Variants in ROBO2 observed in about 807,000 individuals in gnomAD.
ROBO2 encodes roundabout homolog 2.
A neutral mutation model predicts 160.8 loss-of-function variants in ROBO2; 53 were observed. The observed-to-expected ratio is 0.33, with a 90% CI of 0.26 to 0.41. The LOEUF (loss-of-function observed/expected upper bound fraction) is 0.41, where lower values mean the gene tolerates loss of function less well. Among genes scored for constraint, ROBO2 ranks in the 10% least tolerant of loss-of-function variants. The pLI is 1.00. For synonymous variants in ROBO2, 664 were observed against 611.7 expected (o/e 1.09, Z -1.26); for missense variants, 1,577 against 1,722.4 (o/e 0.92, Z 1.49).
chr3:76,143,239 C>T (rs2071754827), intron 2 of ROBO2, among the ~76,000 whole-genome samples: 1 of 151,918 alleles, frequency 6.6e-6, no homozygotes, highest in Non-Finnish European at 1.5e-5. Flanking sequence ...ATAGGTTGCC[C>T]AGGCTGGTCA....
intron 2 of ROBO2, among the ~76,000 whole-genome samples, chr3:76,624,832 A>G (rs956373658): frequency 1.8e-5 from 2 of 112,074 alleles, no homozygotes; most frequent in African/African-American, 6.2e-5. Flanking sequence ...AAAAAAAAAA[A>G]AAGAATATCC....
intron 2 of ROBO2, among the ~76,000 whole-genome samples, chr3:76,905,264 A>T (rs1049654143): frequency 7.9e-5 from 12 of 152,052 alleles, no homozygotes; most frequent in Admixed American, 2.0e-4. Flanking sequence ...CCTATTTGTC[A>T]GAAAGGGGAG....
chr3:76,573,015 G>T (rs2085049545), intron 2 of ROBO2, among the ~76,000 whole-genome samples: 2 of 152,036 alleles, frequency 1.3e-5, no homozygotes, highest in Non-Finnish European at 2.9e-5. Context: ...TAGGAATCCA[G>T]CAAACAAAAA....
At chr3:76,688,524 A>G (rs1349894796) in intron 2 of ROBO2, among the ~76,000 whole-genome samples, 1 of 151,844 alleles carries the variant, frequency 6.6e-6, no homozygotes. Context: ...ACATTAAAGT[A>G]TGAAATAACT....
chr3:77,521,649 T>C lies in ROBO2; in HGVS notation c.807-1126T>C, dbSNP rs114831928. Among the ~76,000 whole-genome samples, 1,321 of 151,368 alleles carry C rather than the reference T, an allele frequency of 8.7e-3. 19 individuals are homozygous for C. Among genetic ancestry groups the C allele is most frequent in the African/African-American group, 0.03 (1,260 of 41,462 alleles). On this transcript the variant is annotated intron_variant, in intron 5 of 25. Transcript: ENST00000461745. ...GAAGAGTAAGGGTAGTTAAGTTTAG[T>C]TGGCATGATTGGTAAATAGACAATG...
At chr3:76,263,214 C>T (rs1237766366) in intron 2 of ROBO2, among the ~76,000 whole-genome samples, 6 of 152,022 alleles carry the variant, frequency 3.9e-5, no homozygotes, top group African/African-American at 7.2e-5. Context: ...CAACAAGCAC[C>T]GTTGAATCAT....
intron 2 of ROBO2, among the ~76,000 whole-genome samples, chr3:76,789,202 G>A (rs909802974): frequency 6.6e-6 from 1 of 151,462 alleles, no homozygotes; most frequent in African/African-American, 2.4e-5. Context: ...TGTGCACTGA[G>A]CTTGCTAGTA....
At chr3:76,305,179 A>C (rs538740045) in intron 2 of ROBO2, among the ~76,000 whole-genome samples, 1 of 151,858 alleles carries the variant, frequency 6.6e-6, no homozygotes. Context: ...ACCTGAATCC[A>C]GGAGTTTAAT....
intron 2 of ROBO2, among the ~76,000 whole-genome samples, chr3:76,331,339 C>T (rs1239595838): frequency 6.6e-6 from 1 of 152,124 alleles, no homozygotes; most frequent in Non-Finnish European, 1.5e-5. Context: ...TTGCTTCCAG[C>T]AATTAGGAAT....
At chr3:76,005,094 A>G (rs937644771) in intron 2 of ROBO2, among the ~76,000 whole-genome samples, 1 of 152,220 alleles carries the variant, frequency 6.6e-6, no homozygotes, top group Non-Finnish European at 1.5e-5. Context: ...TCCTCACCAG[A>G]CGCTTGCCTT....
chr3:77,264,561 A>T (rs1338435331), intron 2 of ROBO2, among the ~76,000 whole-genome samples: 1 of 152,122 alleles, frequency 6.6e-6, no homozygotes, highest in Non-Finnish European at 1.5e-5. Context: ...TCTAAAAAAG[A>T]TCTATGTCTG....
At chr3:77,213,034 C>A (rs1167011899) in intron 2 of ROBO2, among the ~76,000 whole-genome samples, 1 of 151,974 alleles carries the variant, frequency 6.6e-6, no homozygotes, top group African/African-American at 2.4e-5. Context: ...GTCTAAAATT[C>A]TCTTTTTTTT....
intron 1 of ROBO2, among the ~76,000 whole-genome samples, chr3:75,929,940 C>G (rs1344793483): frequency 1.3e-5 from 2 of 152,188 alleles, no homozygotes; most frequent in African/African-American, 4.8e-5. Context: ...GGTGATCTGC[C>G]TGCCTCAGCC....
intron 2 of ROBO2, among the ~76,000 whole-genome samples, chr3:77,244,596 A>G (rs1406442707): frequency 6.6e-6 from 1 of 152,124 alleles, no homozygotes; most frequent in Non-Finnish European, 1.5e-5. Flanking sequence ...ATCCCAACTT[A>G]AGGCCAGGCG....
At chr3:77,640,193 G>A (rs2095329450) in intron 24 of ROBO2, among the ~76,000 whole-genome samples, 1 of 133,540 alleles carries the variant, frequency 7.5e-6, no homozygotes. Flanking sequence ...CTCACTGCAA[G>A]ATCCGCCTCC....
At chr3:77,018,911 C>A (rs1420107824) in intron 2 of ROBO2, among the ~76,000 whole-genome samples, 1 of 152,138 alleles carries the variant, frequency 6.6e-6, no homozygotes, top group African/African-American at 2.4e-5. Context: ...GGCCGCATTG[C>A]CTGTCAACTG....
chr3:75,909,346 T>C (rs1042952958), intron 1 of ROBO2, among the ~76,000 whole-genome samples: 8 of 152,166 alleles, frequency 5.3e-5, no homozygotes, highest in Admixed American at 5.2e-4. Flanking sequence ...CAGTACAGTT[T>C]AGGGGTATAA....
At chr3:76,636,503 G>A (rs1225184953) in intron 2 of ROBO2, among the ~76,000 whole-genome samples, 2 of 152,152 alleles carry the variant, frequency 1.3e-5, no homozygotes, top group Non-Finnish European at 2.9e-5. Flanking sequence ...ATGGTTTCCA[G>A]CATCACTCAG....
rs1311043087 is a variant in ROBO2 at position 77,316,818 on chromosome 3, G to A, written c.389-160596G>A. 3.1e-6 allele frequency: 4 copies of A among 1,309,790 alleles called. No individual in the cohort carries two copies. In the African/African-American group the frequency reaches 5.8e-5, roughly 19 times the overall value. The allele number at this position is 1,309,790 out of a possible 1,614,324, so 81.1% of individuals were successfully genotyped here. On this transcript the variant is annotated intron_variant, in intron 2 of 25. Transcript: ENST00000461745. ...CAGCCTTGACGTTCTTGCCATCCAG[G>A]AGAGCTGACAGTGTCAGTTTGATAC...
Sources: gnomAD v4.1 joint callset for allele counts (sites outside exome capture counted in the v4.1 genomes callset) on GRCh38, gnomAD v4.1.1 for gene constraint, MANE v1.5 for transcripts, NCBI Gene and HGNC (gene_info 2026-07-23, HGNC 2026-07-21) for gene names.